Variants in DIAPH1 observed in about 807,000 individuals in gnomAD.
DIAPH1 encodes the protein protein diaphanous homolog 1.
In DIAPH1, 46 loss-of-function variants were observed where a neutral mutation model predicts 140.7. The ratio of observed to expected loss-of-function variants is 0.33; its 90% CI spans 0.26 to 0.42. DIAPH1 has a LOEUF of 0.42. Ranked by LOEUF, DIAPH1 falls within the 10% of genes least tolerant of loss-of-function variation. The pLI is 1.00. For missense variants in DIAPH1, 1,310 were observed against 1,558.7 expected (o/e 0.84, Z 2.69); for synonymous variants, 565 against 551.6 (o/e 1.02, Z -0.34).
In DIAPH1 at chr5:141,595,332, T is replaced by A. The variant is rs181735522; in HGVS notation, c.118-7082A>T. 6.6e-5 allele frequency among the ~76,000 whole-genome samples: 10 copies of A among 152,304 alleles called. No homozygotes were observed. The East Asian group carries it at 1.9e-3, about 29-fold the overall frequency. ...AACTATGGACTGGGTGATGCTGATG[T>A]GTTAATGCAGGCTCACCAATTGCAA... On this transcript the variant is annotated intron_variant, in intron 1 of 27. Transcript: ENST00000389054.
chr5:141,566,586 A>G (rs1035937562), intron 18 of DIAPH1, among the ~76,000 whole-genome samples: 6 of 152,214 alleles, frequency 3.9e-5, no homozygotes, highest in Admixed American at 3.3e-4. Flanking sequence ...GGTGAGGTCT[A>G]TGAGAACAAA....
At position 141,561,391 on chromosome 5, in the gene DIAPH1, G is replaced by GT. The variant is rs572748707; in HGVS notation, c.2482+10036dup. 3.8e-4 allele frequency among the ~76,000 whole-genome samples: 57 copies of GT among 149,962 alleles called. No homozygotes were observed. In the East Asian group the frequency reaches 0.011, roughly 29 times the overall value. On this transcript the variant is annotated intron_variant, in intron 18 of 27. Transcript: ENST00000389054. ...TTTTTTTTTTTTTACATTGGAGTCT[G>GT]TTTTTTCAAAAAGAAACTGTTAAGA...
chr5:141,558,597 T>C (rs1224257221), intron 18 of DIAPH1: 4 of 152,208 alleles, frequency 2.6e-5, no homozygotes, highest in African/African-American at 9.7e-5. Context: ...CTAACCTCAC[T>C]CACTTACTCA....
chr5:141,614,531 G>A (rs946789500), intron 1 of DIAPH1, among the ~76,000 whole-genome samples: 4 of 151,932 alleles, frequency 2.6e-5, no homozygotes, highest in Admixed American at 6.6e-5. Flanking sequence ...CATAATTTAC[G>A]GGTCATAAAA....
chr5:141,529,338 TTTACTCTG>T (rs2099887857), intron 20 of DIAPH1, 65 bp from the exon 21 acceptor site: 3 of 1,300,520 alleles, frequency 2.3e-6, no homozygotes, highest in Non-Finnish European at 3.3e-6. Context: ...CTAAACAACT[TTTACTCTG>T]TTGTCAGTCC....
chr5:141,537,000 T>C (rs569102587), intron 18 of DIAPH1, among the ~76,000 whole-genome samples: 4 of 151,792 alleles, frequency 2.6e-5, no homozygotes, highest in African/African-American at 2.4e-5. Context: ...TGAGACCCTG[T>C]CTCCATTTAA....
intron 24 of DIAPH1, 29 bp from the exon 25 acceptor site, chr5:141,526,490 C>T (rs751270850): frequency 1.2e-6 from 2 of 1,613,980 alleles, no homozygotes; most frequent in African/African-American, 2.7e-5. Flanking sequence ...GGACCAAGAC[C>T]AAGACCAAGA....
chr5:141,593,085 A>G (rs1173380230), intron 1 of DIAPH1, among the ~76,000 whole-genome samples: 1 of 152,250 alleles, frequency 6.6e-6, no homozygotes, highest in African/African-American at 2.4e-5. Context: ...CATTACAGAA[A>G]GCTGAGTCCT....
chr5:141,617,206 G>C (rs898497397), intron 1 of DIAPH1, among the ~76,000 whole-genome samples: 6 of 151,552 alleles, frequency 4.0e-5, no homozygotes, highest in Admixed American at 3.9e-4. Flanking sequence ...ACGGGGGGGA[G>C]GGGTCAATTC....
intron 27 of DIAPH1, among the ~76,000 whole-genome samples, chr5:141,517,404 T>A (rs1436853339): frequency 1.3e-5 from 2 of 152,186 alleles, no homozygotes; most frequent in East Asian, 3.8e-4. Context: ...ATTATTTTTG[T>A]TTTCTTGACA....
intron 27 of DIAPH1, among the ~76,000 whole-genome samples, chr5:141,520,910 T>C (rs1368391890): frequency 2.6e-5 from 4 of 152,128 alleles, no homozygotes; most frequent in Non-Finnish European, 5.9e-5. Context: ...TTTTTATTTT[T>C]ATTTTTTTGA....
chr5:141,573,850 G>T lies in DIAPH1; in HGVS notation c.2000C>A (p.Ser667Tyr). The change falls in exon 16 of 28, where the codon TCT (serine) becomes TAT (tyrosine). Residue 667 changes from serine (S) to tyrosine (Y), a missense_variant. Physicochemically the swap from Ser to Tyr is moderately radical, Grantham distance 144 (BLOSUM62 -2). Transcript: ENST00000389054. ...GATGGCAGTACCTCCAGGCAAAGAA[G>T]AGGGTGAAGGGATGCCAACACCCTC... ...LPEGVGIPSP[S>Y]SLPGGTAIPP... The T allele has an allele frequency of 6.5e-7, 1 of 1,529,000 alleles. No homozygotes were observed. Among genetic ancestry groups the T allele is most frequent in the East Asian group, 2.4e-5 (1 of 41,724 alleles). 94.7% of individuals were successfully genotyped at this position (1,529,000 alleles called of 1,614,324 possible). A position where few individuals can be genotyped will look rare whatever the true frequency, so the allele number is the denominator to read the frequency against.
At chr5:141,533,567 C>T (rs938929180) in intron 19 of DIAPH1, among the ~76,000 whole-genome samples, 2 of 152,152 alleles carry the variant, frequency 1.3e-5, no homozygotes, top group Non-Finnish European at 2.9e-5. Context: ...AAAGTGAAAG[C>T]TGGGCATGGT....
chr5:141,566,915 C>CAAAACAAAAG (rs2099894462), intron 18 of DIAPH1, among the ~76,000 whole-genome samples: 1 of 151,618 alleles, frequency 6.6e-6, no homozygotes, highest in African/African-American at 2.4e-5. Flanking sequence ...CAAAACAAAA[C>CAAAACAAAAG]AAAACAAAAC....
intron 7 of DIAPH1, among the ~76,000 whole-genome samples, chr5:141,581,609 C>G (rs967683807): frequency 6.6e-6 from 1 of 152,086 alleles, no homozygotes. Flanking sequence ...CTCAGAGGCA[C>G]AGGACTGTGG....
intron 8 of DIAPH1, among the ~76,000 whole-genome samples, chr5:141,579,905 G>A (rs549579670): frequency 4.7e-5 from 7 of 148,810 alleles, no homozygotes; most frequent in South Asian, 4.2e-4. Flanking sequence ...CCGAGATCGC[G>A]CCACTGCACT....
chr5:141,556,673 G>C (rs1216518296), intron 18 of DIAPH1, among the ~76,000 whole-genome samples: 2 of 152,080 alleles, frequency 1.3e-5, no homozygotes, highest in Non-Finnish European at 1.5e-5. Context: ...CCCAACCTGA[G>C]AGATCTTCTT....
chr5:141,601,443 A>G (rs539854910), intron 1 of DIAPH1, among the ~76,000 whole-genome samples: 5 of 152,008 alleles, frequency 3.3e-5, no homozygotes, highest in Non-Finnish European at 7.4e-5. Flanking sequence ...GCACACCACT[A>G]TATCTGGCTA....
intron 18 of DIAPH1, among the ~76,000 whole-genome samples, chr5:141,539,223 G>A (rs2099889560): frequency 6.6e-6 from 1 of 151,934 alleles, no homozygotes; most frequent in Non-Finnish European, 1.5e-5. Flanking sequence ...GTTGCAGTGA[G>A]TGGAGATTGC....
Sources: allele counts gnomAD v4.1 joint callset (sites outside exome capture counted in the v4.1 genomes callset), GRCh38; gene constraint gnomAD v4.1.1; transcripts MANE v1.5; gene names NCBI Gene and HGNC (gene_info 2026-07-23, HGNC 2026-07-21).